HSP90AA1: variants seen among roughly 807,000 people sequenced by gnomAD.
The protein encoded by HSP90AA1 is heat shock protein HSP 90-alpha.
Under a neutral mutation model 73.3 loss-of-function variants are expected in HSP90AA1, and 18 were observed. The observed-to-expected ratio is 0.25, with a 90% CI of 0.17 to 0.36. HSP90AA1 has a LOEUF of 0.36. HSP90AA1 is among the 10% of genes least tolerant of loss of function. HSP90AA1 has a pLI of 1.00. For synonymous variants in HSP90AA1, 477 were observed against 296.9 expected, an observed-to-expected ratio of 1.61 and a Z score of -6.24; for missense variants, 704 against 874.2, an observed-to-expected ratio of 0.81 and a Z score of 2.45.
upstream of HSP90AA1, among the ~76,000 whole-genome samples, chr14:102,087,381 C>G (rs1412502696): frequency 1.3e-5 from 2 of 151,638 alleles, no homozygotes; most frequent in Admixed American, 6.6e-5. Flanking sequence ...CCCTGCACCC[C>G]CACCTGCCGC....
chr14:102,083,379 G>A, intron 8 of HSP90AA1, 77 bp from the exon 9 acceptor site: 1 of 1,529,406 alleles, frequency 6.5e-7, no homozygotes, highest in South Asian at 1.1e-5. Flanking sequence ...TTTCTTGCTA[G>A]CCAGATACCT....
intron 1 of HSP90AA1, among the ~76,000 whole-genome samples, chr14:102,110,872 C>T (rs577144810): frequency 3.3e-5 from 5 of 152,278 alleles, no homozygotes; most frequent in South Asian, 2.1e-4. Context: ...TGAGCCACTG[C>T]GCCCAGCCCA....
intron 1 of HSP90AA1, among the ~76,000 whole-genome samples, chr14:102,113,689 ATTTTATTT>A (rs2049670840): frequency 6.6e-6 from 1 of 150,634 alleles, no homozygotes; most frequent in Non-Finnish European, 1.5e-5. Flanking sequence ...ATACTCATTT[ATTTTATTT>A]TTTTATTTTT....
At chr14:102,139,453 G>A (rs900989896) in exon 1 of HSP90AA1, 2 of 1,490,112 alleles carry the variant, frequency 1.3e-6, no homozygotes, top group African/African-American at 1.4e-5. Context: ...AGCGGTGGCC[G>A]TCGGGGTGGC....
intron 1 of HSP90AA1, among the ~76,000 whole-genome samples, chr14:102,105,945 A>G (rs2049562368): frequency 6.6e-6 from 1 of 152,074 alleles, no homozygotes; most frequent in Non-Finnish European, 1.5e-5. Context: ...TGGTATGCAC[A>G]TGCGCCTGTA....
At chr14:102,121,521 A>G (rs1293153208) in intron 1 of HSP90AA1, among the ~76,000 whole-genome samples, 1 of 152,216 alleles carries the variant, frequency 6.6e-6, no homozygotes, top group African/African-American at 2.4e-5. Context: ...TTGCATTCTC[A>G]CTAATGGAAA....
intron 1 of HSP90AA1, among the ~76,000 whole-genome samples, chr14:102,114,297 C>G (rs2049680608): frequency 6.6e-6 from 1 of 152,100 alleles, no homozygotes; most frequent in South Asian, 2.1e-4. Flanking sequence ...TGCACCTGGC[C>G]ATGTCATTTA....
At chr14:102,134,681 G>A (rs1245812654) in intron 1 of HSP90AA1, among the ~76,000 whole-genome samples, 1 of 152,038 alleles carries the variant, frequency 6.6e-6, no homozygotes, top group Non-Finnish European at 1.5e-5. Flanking sequence ...GTGGGCTCGT[G>A]GTCTTGCTGG....
chr14:102,083,908 A>G lies in HSP90AA1; in HGVS notation c.1223T>C (p.Ile408Thr), dbSNP rs757335855. 6.2e-7 allele frequency: 1 copy of G among 1,613,984 alleles called. No individual in the cohort carries two copies. The highest frequency in any genetic ancestry group is 1.7e-5 in the Admixed American group (1 of 60,000). Residue 408 changes from isoleucine to threonine, a missense_variant, in exon 7 of 11, where the codon ATT (isoleucine) becomes ACT (threonine). By Grantham distance (89) the Ile-to-Thr change is moderately conservative. Transcript: ENST00000216281. ...CAAATTCTTCCTGATAACTTTCAAA[A>G]TTTTGCTTTGTTGCAACATCTCACG... is the stretch of plus-strand genomic sequence containing the variant. The part of the protein sequence containing the change: ...ISREMLQQSK[I>T]LKVIRKNLVK...
At chr14:102,087,561 C>T (rs537256838), upstream of HSP90AA1, among the ~76,000 whole-genome samples, 1 of 152,104 alleles carries the variant, frequency 6.6e-6, no homozygotes, top group Non-Finnish European at 1.5e-5. Flanking sequence ...CCGGAGCCGT[C>T]GTCCTGACTG....
chr14:102,091,214 A>G (rs1353359053), upstream of HSP90AA1, among the ~76,000 whole-genome samples: 1 of 152,134 alleles, frequency 6.6e-6, no homozygotes, highest in Non-Finnish European at 1.5e-5. Context: ...GTCCCACTGT[A>G]CAGTTGAGAA....
chr14:102,126,557 G>T (rs2049841614), intron 1 of HSP90AA1, among the ~76,000 whole-genome samples: 1 of 151,262 alleles, frequency 6.6e-6, no homozygotes, highest in Non-Finnish European at 1.5e-5. Flanking sequence ...ACGGAGTCTC[G>T]CTCTGTTCCC....
intron 6 of HSP90AA1, 54 bp from the exon 7 acceptor site, chr14:102,084,037 C>G: frequency 2.3e-6 from 3 of 1,290,066 alleles, no homozygotes; most frequent in African/African-American, 1.5e-5. Context: ...AAAACTGGTA[C>G]TATGTAAACT....
At chr14:102,088,758 C>T (rs2049308150), upstream of HSP90AA1, among the ~76,000 whole-genome samples, 1 of 152,122 alleles carries the variant, frequency 6.6e-6, no homozygotes, top group Admixed American at 6.5e-5. Context: ...GCCGCCTTTG[C>T]CTGTTTCCTT....
At chr14:102,107,104 CAGA>C (rs1367221491) in intron 1 of HSP90AA1, among the ~76,000 whole-genome samples, 7 of 152,108 alleles carry the variant, frequency 4.6e-5, no homozygotes, top group South Asian at 4.1e-4. Flanking sequence ...ACTTTATAGA[CAGA>C]AGAACTGTTG....
intron 1 of HSP90AA1, among the ~76,000 whole-genome samples, chr14:102,118,288 A>G (rs1252870052): frequency 2.6e-5 from 4 of 152,260 alleles, no homozygotes; most frequent in African/African-American, 9.6e-5. Flanking sequence ...GTGGTTTATC[A>G]GATAAAAAAC....
intron 1 of HSP90AA1, among the ~76,000 whole-genome samples, chr14:102,135,549 C>A (rs2049979830): frequency 6.6e-6 from 1 of 152,270 alleles, no homozygotes; most frequent in Non-Finnish European, 1.5e-5. Context: ...GGACTGGGCG[C>A]CGTGGAGCAG....
chr14:102,090,380 C>G (rs966227237), upstream of HSP90AA1, among the ~76,000 whole-genome samples: 15 of 152,174 alleles, frequency 9.9e-5, no homozygotes, highest in African/African-American at 3.6e-4. Flanking sequence ...GCCCTCCAAC[C>G]CCAAGTTCTT....
At chr14:102,085,454 T>G in intron 3 of HSP90AA1, 23 bp from the exon 4 acceptor site, 1 of 1,390,334 alleles carries the variant, frequency 7.2e-7, no homozygotes, top group South Asian at 1.2e-5. Context: ...AAAGAAAAAT[T>G]GACTTAATAC....
Sources: gnomAD v4.1 joint callset for allele counts (sites outside exome capture counted in the v4.1 genomes callset) on GRCh38, gnomAD v4.1.1 for gene constraint, MANE v1.5 for transcripts, NCBI Gene and HGNC (gene_info 2026-07-23, HGNC 2026-07-21) for gene names.